The following CDH11 variants were observed in gnomAD, a reference collection of about 807,000 sequenced individuals.
CDH11 encodes cadherin 11.
CDH11 carries 11 observed loss-of-function variants against 67.8 expected under a neutral mutation model. The observed-to-expected ratio is 0.16, with a 90% confidence interval of 0.10 to 0.27. The LOEUF is 0.27. CDH11 is among the 10% of genes least tolerant of loss of function. CDH11 has a pLI of 1.00. For synonymous variants in CDH11, 419 were observed against 400.0 expected (o/e 1.05, Z -0.57); for missense variants, 847 against 1,031.2 (o/e 0.82, Z 2.45).
chr16:65,003,467 G>A lies in CDH11; in HGVS notation c.228+1175C>T, dbSNP rs570605262. ...AGACGGGGTTTCACCATACTGGGCA[G>A]GCTGGTCTTGAACTCCTGACATCCC... On this transcript the variant is annotated intron_variant, in intron 3 of 12. Coordinates refer to ENST00000268603, the MANE Select transcript of CDH11 (RefSeq NM_001797.4). 5.6e-4 allele frequency among the ~76,000 whole-genome samples: 85 copies of A among 152,226 alleles called. No individual in the cohort carries two copies. In the South Asian group the frequency reaches 0.017, roughly 30 times the overall value.
chr16:65,117,877 C>T (rs545904206), intron 1 of CDH11, among the ~76,000 whole-genome samples: 1 of 152,232 alleles, frequency 6.6e-6, no homozygotes, highest in African/African-American at 2.4e-5. Context: ...CTTGTTTATC[C>T]TGCAGCCCAG....
chr16:64,957,638 C>CCA (rs2071553638), intron 11 of CDH11, among the ~76,000 whole-genome samples: 1 of 111,532 alleles, frequency 9.0e-6, no homozygotes, highest in Non-Finnish European at 1.8e-5. Context: ...ACACACCCAT[C>CCA]CATATATATA....
At chr16:65,061,895 A>C (rs1222972067) in intron 1 of CDH11, among the ~76,000 whole-genome samples, 3 of 152,192 alleles carry the variant, frequency 2.0e-5, no homozygotes, top group Non-Finnish European at 4.4e-5. Flanking sequence ...CAATCTTATA[A>C]GTCAGGTTCT....
chr16:65,040,078 G>A (rs546669551), intron 2 of CDH11, among the ~76,000 whole-genome samples: 1 of 152,302 alleles, frequency 6.6e-6, no homozygotes, highest in South Asian at 2.1e-4. Context: ...AGGATGTGGA[G>A]AAATAGGAAC....
chr16:65,024,363 C>T (rs902754134), intron 2 of CDH11, among the ~76,000 whole-genome samples: 1 of 152,020 alleles, frequency 6.6e-6, no homozygotes, highest in Admixed American at 6.5e-5. Flanking sequence ...TAGAATTAAC[C>T]GGGAAACCTT....
chr16:65,008,214 G>C (rs1182434340), intron 2 of CDH11, among the ~76,000 whole-genome samples: 3 of 152,172 alleles, frequency 2.0e-5, no homozygotes, highest in Non-Finnish European at 4.4e-5. Flanking sequence ...AAAATGTCTA[G>C]CTTAATACTA....
Position 64,945,814 on chromosome 16 carries a change from A to T in CDH11, c.*1789T>A. On this transcript the variant is annotated 3_prime_UTR_variant, in exon 13 of 13. Transcript: ENST00000268603. The stretch of plus-strand genomic sequence containing the variant: ...ATAGTACATAACATGATATCAAGAA[A>T]TGCTTGAAACAAACTTTCACAATAA... The T allele has an allele frequency of 9.5e-7, 1 of 1,049,480 alleles. No individual in the cohort carries two copies. The highest frequency in any genetic ancestry group is 1.7e-5 in the African/African-American group (1 of 60,288). The allele number at this position is 1,049,480 out of a possible 1,614,324, so 65.0% of individuals were successfully genotyped here. A position where few individuals can be genotyped will look rare whatever the true frequency, so the allele number is the denominator to read the frequency against.
intron 2 of CDH11, among the ~76,000 whole-genome samples, chr16:65,039,784 T>A (rs1483125803): frequency 6.6e-6 from 1 of 152,154 alleles, no homozygotes; most frequent in Non-Finnish European, 1.5e-5. Flanking sequence ...ACCTACAGAA[T>A]GGGCGAAAAT....
chr16:65,041,894 G>T (rs2073874315), intron 2 of CDH11, among the ~76,000 whole-genome samples: 5 of 152,210 alleles, frequency 3.3e-5, no homozygotes, highest in Admixed American at 3.3e-4. Context: ...CCCCAGAGTG[G>T]AGTGCTCCAG....
intron 2 of CDH11, among the ~76,000 whole-genome samples, 179 bp downstream of exon 2, chr16:65,053,625 G>A (rs2074094725): frequency 6.6e-6 from 1 of 152,074 alleles, no homozygotes; most frequent in Non-Finnish European, 1.5e-5. Flanking sequence ...CATCAACACT[G>A]AATAATCACA....
rs2071160665 is a variant in CDH11 at position 64,944,446 on chromosome 16, CTCCTAAT to C, written c.*3150_*3156del. 4.3e-6 allele frequency: 1 copy of C among 232,944 alleles called. No individual in the cohort carries two copies. The highest frequency in any genetic ancestry group is 6.0e-5 in the East Asian group (1 of 16,544). 14.4% of individuals were successfully genotyped at this position (232,944 alleles called of 1,614,324 possible). ...TGGGGCACACCTCTGGGTTTATATG[CTCCTAAT>C]CTGTCCTCCACACTGCCTGCCAAAT... is the stretch of plus-strand genomic sequence containing the variant. On this transcript the variant is annotated 3_prime_UTR_variant, in exon 13 of 13. Transcript: ENST00000268603.
chr16:65,022,047 C>A (rs11647738), intron 2 of CDH11, among the ~76,000 whole-genome samples: 16,668 of 152,092 alleles, frequency 0.11, 1,217 homozygotes, highest in South Asian at 0.16. Flanking sequence ...CAAACTTTTA[C>A]TCACTAAGCT....
intron 1 of CDH11, among the ~76,000 whole-genome samples, chr16:65,096,419 G>C (rs192304547): frequency 7.1e-6 from 1 of 141,792 alleles, no homozygotes; most frequent in Non-Finnish European, 1.5e-5. Context: ...GTGTGTGTGT[G>C]TGTGTGTGTG....
intron 3 of CDH11, among the ~76,000 whole-genome samples, chr16:65,000,559 C>T (rs1567519622): frequency 6.6e-6 from 1 of 152,074 alleles, no homozygotes; most frequent in Admixed American, 6.6e-5. Flanking sequence ...CACTTTGGGA[C>T]GCTGAGGCAG....
rs987116701 is a variant in CDH11 at position 64,946,875 on chromosome 16, C to T, written c.*728G>A. On this transcript the variant is annotated 3_prime_UTR_variant, in exon 13 of 13. Transcript: ENST00000268603. ...ATGTTCATAAAATATAAGTGTGATG[C>T]CGTAACATTTTCTTACATGTCAGAA... 93 of 827,528 alleles carry T rather than the reference C, an allele frequency of 1.1e-4. No individual in the cohort carries two copies. The highest frequency in any genetic ancestry group is 1.3e-4 in the Non-Finnish European group (88 of 675,290). 51.3% of individuals were successfully genotyped at this position (827,528 alleles called of 1,614,324 possible).
Position 65,057,249 on chromosome 16 carries a change from C to T in CDH11, c.-297-3321G>A, listed in dbSNP as rs749962250. Among the ~76,000 whole-genome samples the T allele has an allele frequency of 1.6e-4, 25 of 152,144 alleles. 1 individual carries two copies. The highest frequency in any genetic ancestry group is 1.6e-3 in the Admixed American group (25 of 15,272). On this transcript the variant is annotated intron_variant, in intron 1 of 12. Transcript: ENST00000268603. ...GACTTGGAATCATGTGTTCCCCTCT[C>T]AGCCAGGAAACCACACTCCAGCCTT...
intron 11 of CDH11, among the ~76,000 whole-genome samples, chr16:64,969,080 G>A (rs1226351507): frequency 6.6e-6 from 1 of 152,124 alleles, no homozygotes; most frequent in Admixed American, 6.5e-5. Context: ...TTATAGGAGA[G>A]GGCAGGGGAG....
intron 1 of CDH11, among the ~76,000 whole-genome samples, chr16:65,090,350 G>A (rs887602475): frequency 6.6e-6 from 1 of 152,060 alleles, no homozygotes; most frequent in African/African-American, 2.4e-5. Context: ...AGTTGATTAT[G>A]CTGGATACTT....
chr16:65,083,894 G>A (rs183613845), intron 1 of CDH11, among the ~76,000 whole-genome samples: 72 of 152,228 alleles, frequency 4.7e-4, no homozygotes, highest in African/African-American at 1.5e-3. Flanking sequence ...ACAAGACAGA[G>A]GGAAAACACA....
Sources: gnomAD v4.1 joint callset for allele counts (sites outside exome capture counted in the v4.1 genomes callset) on GRCh38, gnomAD v4.1.1 for gene constraint, MANE v1.5 for transcripts, NCBI Gene and HGNC (gene_info 2026-07-23, HGNC 2026-07-21) for gene names.